The following SEPHS1 variants were observed in gnomAD, a reference collection of about 807,000 sequenced individuals.
SEPHS1 encodes the protein selenophosphate synthetase 1.
SEPHS1 carries 7 observed loss-of-function variants against 39.2 expected under a neutral mutation model. The ratio of observed to expected loss-of-function variants is 0.18; its 90% CI spans 0.10 to 0.34. SEPHS1 has a LOEUF of 0.34. Among genes scored for constraint, SEPHS1 ranks in the 10% least tolerant of loss-of-function variants. The pLI, the probability that SEPHS1 is intolerant of heterozygous loss-of-function variation, is 1.00. For missense variants in SEPHS1, 253 were observed against 514.5 expected (o/e 0.49, Z 4.92); for synonymous variants, 190 against 195.5 (o/e 0.97, Z 0.23).
intron 5 of SEPHS1, 103 bp downstream of exon 5, chr10:13,333,714 A>G (rs1421883022): frequency 1.7e-6 from 2 of 1,202,688 alleles, no homozygotes; most frequent in Non-Finnish European, 2.4e-6. Flanking sequence ...GTCTGGGATC[A>G]TATGTGTGAG....
At chr10:13,345,975 G>C (rs1833909640) in intron 1 of SEPHS1, among the ~76,000 whole-genome samples, 1 of 152,236 alleles carries the variant, frequency 6.6e-6, no homozygotes, top group Admixed American at 6.5e-5. Flanking sequence ...ACACAGTAAG[G>C]TCTGTGTTCT....
At chr10:13,345,832 G>T (rs544124262) in intron 1 of SEPHS1, among the ~76,000 whole-genome samples, 1 of 152,160 alleles carries the variant, frequency 6.6e-6, no homozygotes, top group East Asian at 1.9e-4. Context: ...AGCCGAGATC[G>T]AGCCACTGCA....
At chr10:13,343,490 C>A (rs927786100) in intron 2 of SEPHS1, among the ~76,000 whole-genome samples, 3 of 152,088 alleles carry the variant, frequency 2.0e-5, no homozygotes, top group African/African-American at 7.2e-5. Flanking sequence ...AACCAATGAA[C>A]CTTACCAAAT....
At chr10:13,347,637 A>C (rs1201236227) in intron 1 of SEPHS1, among the ~76,000 whole-genome samples, 6 of 146,552 alleles carry the variant, frequency 4.1e-5, no homozygotes, top group South Asian at 2.1e-4. Context: ...CCGCGACCCC[A>C]GGCCGGCCGC....
In SEPHS1 at chr10:13,329,780, T is replaced by C. The variant is rs770128438; in HGVS notation, c.569A>G (p.Asn190Ser). The C allele has an allele frequency of 1.2e-5, 20 of 1,607,690 alleles. No individual in the cohort carries two copies. Among genetic ancestry groups the C allele is most frequent in the East Asian group, 6.7e-5 (3 of 44,820 alleles). The change falls in exon 6 of 9, where the codon AAT (asparagine) becomes AGT (serine). Residue 190 changes from asparagine to serine, a missense_variant. Physicochemically the swap from Asn to Ser is conservative, Grantham distance 46. Transcript: ENST00000327347. ...CQPNEFIMPD[N>S]AVPGDVLVLT... ...CACCAGCACGTCCCCTGGCACTGCA[T>C]TGTCTGGCCTGAAGAAAAGAAAAGG... is the stretch of plus-strand genomic sequence containing the variant.
At chr10:13,338,663 A>G in intron 3 of SEPHS1, 42 bp downstream of exon 3, 1 of 1,501,262 alleles carries the variant, frequency 6.7e-7, no homozygotes, top group Non-Finnish European at 9.3e-7. Flanking sequence ...AACCAAACAA[A>G]TAAGCCCTTC....
chr10:13,344,955 C>G lies in SEPHS1; in HGVS notation c.-5G>C. 6.5e-7 allele frequency: 1 copy of G among 1,531,786 alleles called. No homozygotes were observed. The allele number at this position is 1,531,786 out of a possible 1,614,324, so 94.9% of individuals were successfully genotyped here. ...AAAGGACTCCCGCGTAGACATGGTT[C>G]TTGGGCCCCGCTCTCCTCACAGCTC... On this transcript the variant is annotated 5_prime_UTR_variant, in exon 2 of 9. Transcript: ENST00000327347.
chr10:13,320,842 T>C (rs1833089633), intron 8 of SEPHS1, among the ~76,000 whole-genome samples: 1 of 152,038 alleles, frequency 6.6e-6, no homozygotes, highest in Admixed American at 6.6e-5. Context: ...ATTAAAAACT[T>C]CCTATTTCTG....
chr10:13,344,954 TC>T lies in SEPHS1; in HGVS notation c.-5del. On this transcript the variant is annotated 5_prime_UTR_variant, in exon 2 of 9. Transcript: ENST00000327347. ...TAAAGGACTCCCGCGTAGACATGGTTCTTGGGCCCCGCTCTCCTCACAGCTC... is the reference window on the plus strand; with the variant it reads ...TAAAGGACTCCCGCGTAGACATGGTTTTGGGCCCCGCTCTCCTCACAGCTC... The T allele has an allele frequency of 6.5e-7, 1 of 1,532,936 alleles. No individual in the cohort carries two copies. The highest frequency in any genetic ancestry group is 8.8e-7 in the Non-Finnish European group (1 of 1,134,108). 95.0% of individuals were successfully genotyped at this position (1,532,936 alleles called of 1,614,324 possible).
intron 7 of SEPHS1, among the ~76,000 whole-genome samples, chr10:13,327,352 C>T (rs1457722795): frequency 6.7e-6 from 1 of 148,846 alleles, no homozygotes; most frequent in African/African-American, 2.5e-5. Flanking sequence ...CTAACCATTA[C>T]ATAGTGAAAA....
chr10:13,326,369 G>C (rs1178176490), intron 7 of SEPHS1, among the ~76,000 whole-genome samples: 1 of 152,016 alleles, frequency 6.6e-6, no homozygotes, highest in African/African-American at 2.4e-5. Context: ...AGCTACTTGG[G>C]AGGCTGTGGC....
At chr10:13,322,671 A>T (rs1488930865) in intron 8 of SEPHS1, among the ~76,000 whole-genome samples, 164 bp downstream of exon 8, 2 of 152,182 alleles carry the variant, frequency 1.3e-5, no homozygotes, top group African/African-American at 4.8e-5. Context: ...GGCGGGGACC[A>T]GACCCACCGG....
Position 13,328,711 on chromosome 10 carries a change from G to C in SEPHS1, c.652-261C>G, listed in dbSNP as rs1209013845. On this transcript the variant is annotated intron_variant, in intron 6 of 8. Coordinates refer to ENST00000327347, the MANE Select transcript of SEPHS1 (RefSeq NM_012247.5). ...ATTTATTGGGTATGTGTAGTCTAGC[G>C]GGACACACGGCGGCACTGCTGTACA... is the stretch of plus-strand genomic sequence containing the variant. Among the ~76,000 whole-genome samples the C allele has an allele frequency of 2.0e-5, 3 of 152,168 alleles. No homozygotes were observed. The East Asian group carries it at 5.8e-4, about 29-fold the overall frequency.
At chr10:13,324,601 G>T (rs1295720986) in intron 7 of SEPHS1, among the ~76,000 whole-genome samples, 1 of 152,174 alleles carries the variant, frequency 6.6e-6, no homozygotes, top group Admixed American at 6.6e-5. Flanking sequence ...CCAGCAGTTG[G>T]TATTATCAGT....
intron 4 of SEPHS1, 134 bp downstream of exon 4, chr10:13,336,109 G>T (rs914326244): frequency 4.7e-5 from 26 of 553,060 alleles, no homozygotes; most frequent in Non-Finnish European, 8.1e-5. Context: ...CCAAAAAGTG[G>T]AGAGCCAGAA....
intron 7 of SEPHS1, among the ~76,000 whole-genome samples, chr10:13,323,354 G>A (rs552663382): frequency 1.1e-4 from 17 of 151,878 alleles, no homozygotes; most frequent in African/African-American, 3.6e-4. Flanking sequence ...ACCAAAGACC[G>A]GCACTTTTTT....
Position 13,318,795 on chromosome 10 carries a change from G to A in SEPHS1, c.*347C>T. ...TATACATAAAATGAAGACACCAACT[G>A]CTATTTGACACGACTACGGGTAATG... On this transcript the variant is annotated 3_prime_UTR_variant, in exon 9 of 9. Coordinates refer to ENST00000327347, the MANE Select transcript of SEPHS1 (RefSeq NM_012247.5). The A allele has an allele frequency of 8.8e-6, 2 of 227,348 alleles. No homozygotes were observed. The highest frequency in any genetic ancestry group is 1.5e-4 in the South Asian group (2 of 13,146). 14.1% of individuals were successfully genotyped at this position (227,348 alleles called of 1,614,324 possible).
At chr10:13,319,474 A>C in intron 8 of SEPHS1, 118 bp from the exon 9 acceptor site, 1 of 1,001,776 alleles carries the variant, frequency 1.0e-6, no homozygotes. Flanking sequence ...ATATGCAAGT[A>C]GCTCTTCCCA....
chr10:13,323,070 C>CT (rs755892035), intron 7 of SEPHS1, 23 bp from the exon 8 acceptor site: 29 of 1,608,098 alleles, frequency 1.8e-5, no homozygotes, highest in Non-Finnish European at 2.5e-5. Context: ...GGGGGCGGCT[C>CT]TGAGAAAAAA....
Sources: gnomAD v4.1 joint callset for allele counts (sites outside exome capture counted in the v4.1 genomes callset) on GRCh38, gnomAD v4.1.1 for gene constraint, MANE v1.5 for transcripts, NCBI Gene and HGNC (gene_info 2026-07-23, HGNC 2026-07-21) for gene names.